The following TRERF1 variants were observed in gnomAD, a reference collection of about 807,000 sequenced individuals.
TRERF1 encodes the protein transcriptional-regulating factor 1.
TRERF1 carries 27 observed loss-of-function variants against 122.9 expected under a neutral mutation model. The observed-to-expected ratio is 0.22, with a 90% CI of 0.16 to 0.30. TRERF1 has a LOEUF of 0.30. Among genes scored for constraint, TRERF1 ranks in the 10% least tolerant of loss-of-function variants. The pLI, the probability that TRERF1 is intolerant of heterozygous loss-of-function variation, is 1.00. For missense variants in TRERF1, 1,248 were observed against 1,560.3 expected (o/e 0.80, Z 3.37); for synonymous variants, 636 against 641.7 (o/e 0.99, Z 0.13).
intron 3 of TRERF1, among the ~76,000 whole-genome samples, chr6:42,356,595 A>G (rs1163329672): frequency 6.6e-6 from 1 of 152,196 alleles, no homozygotes; most frequent in African/African-American, 2.4e-5. Context: ...TATTTTTAAG[A>G]TGGAGTCTTG....
At chr6:42,280,410 C>T (rs899121690) in intron 4 of TRERF1, among the ~76,000 whole-genome samples, 2 of 152,198 alleles carry the variant, frequency 1.3e-5, no homozygotes, top group African/African-American at 2.4e-5. Flanking sequence ...CCAGCAAGTT[C>T]GTGCTCTGAG....
rs555283311 is a variant in TRERF1, at chr6:42,263,803, T to C, written c.1636-235A>G. On this transcript the variant is annotated intron_variant, in intron 7 of 17. Coordinates refer to ENST00000372922, the Ensembl canonical transcript of TRERF1. This position sits in a 1 kb window ranked among gnomAD's most constrained non-coding sequence, Gnocchi z 5.6. ...AATTCTTGACCATGCATTACTTGTGTATTAAACTATTTTAAAAAAATTGTG... is the reference window on the plus strand; with the variant it reads ...AATTCTTGACCATGCATTACTTGTGCATTAAACTATTTTAAAAAAATTGTG... Among the ~76,000 whole-genome samples the C allele has an allele frequency of 2.0e-5, 3 of 152,326 alleles. No homozygotes were observed. The East Asian group carries it at 5.8e-4, about 29-fold the overall frequency.
At chr6:42,385,451 C>T (rs573366718) in intron 2 of TRERF1, among the ~76,000 whole-genome samples, 5 of 152,202 alleles carry the variant, frequency 3.3e-5, no homozygotes, top group Admixed American at 6.5e-5. Context: ...CCTGAAGTTA[C>T]GTGGACAGGC....
At position 42,390,310 on chromosome 6, in the gene TRERF1, AG is replaced by A. The variant is rs200847910; in HGVS notation, c.-453-27232del. Among the ~76,000 whole-genome samples the A allele has an allele frequency of 3.3e-3, 496 of 152,288 alleles. 6 individuals are homozygous for A. The highest frequency in any genetic ancestry group is 9.5e-3 in the African/African-American group (394 of 41,556). ...CTTTTGCCAAGTTCTGTGTGTGTGG[AG>A]GGGGAGTCACATCTTCCCCAAACTT... is the stretch of plus-strand genomic sequence containing the variant. On this transcript the variant is annotated intron_variant, in intron 2 of 17. Coordinates refer to ENST00000372922, the Ensembl canonical transcript of TRERF1.
At chr6:42,398,554 G>A (rs1001042307) in intron 2 of TRERF1, among the ~76,000 whole-genome samples, 7 of 152,042 alleles carry the variant, frequency 4.6e-5, no homozygotes, top group East Asian at 1.9e-4. Context: ...TGTTCTCCTT[G>A]GTATTACAGT....
intron 4 of TRERF1, among the ~76,000 whole-genome samples, chr6:42,270,481 C>T (rs543079140): frequency 6.6e-6 from 1 of 152,194 alleles, no homozygotes; most frequent in African/African-American, 2.4e-5. Flanking sequence ...ATGCATTAAT[C>T]AATTTATCTG....
At chr6:42,429,575 A>G (rs1302313896) in intron 2 of TRERF1, among the ~76,000 whole-genome samples, 1 of 152,198 alleles carries the variant, frequency 6.6e-6, no homozygotes, top group African/African-American at 2.4e-5. Flanking sequence ...AAAAATCTTA[A>G]TTAAAAAAAA....
chr6:42,428,378 G>C (rs978471354), intron 2 of TRERF1, among the ~76,000 whole-genome samples: 11 of 152,184 alleles, frequency 7.2e-5, no homozygotes, highest in African/African-American at 2.7e-4. Flanking sequence ...ATTATGGCCC[G>C]AGTACCCGAA....
chr6:42,322,097 A>T (rs1215299264), intron 3 of TRERF1, among the ~76,000 whole-genome samples: 1 of 152,248 alleles, frequency 6.6e-6, no homozygotes, highest in East Asian at 1.9e-4. Context: ...ATTTTACTGC[A>T]CCGGGACTCA....
At chr6:42,342,343 G>T (rs1192612228) in intron 3 of TRERF1, among the ~76,000 whole-genome samples, 2 of 152,156 alleles carry the variant, frequency 1.3e-5, no homozygotes, top group African/African-American at 4.8e-5. Context: ...GGCTTGACCT[G>T]GGGTCAAAGG....
intron 3 of TRERF1, among the ~76,000 whole-genome samples, chr6:42,334,896 C>A (rs1765878028): frequency 6.6e-6 from 1 of 152,220 alleles, no homozygotes; most frequent in South Asian, 2.1e-4. Context: ...GCCTGATGGT[C>A]CCTCCTGGCT....
Position 42,232,920 on chromosome 6 carries a change from T to A in TRERF1, c.3067-28A>T, listed in dbSNP as rs1457356404. 1.3e-6 allele frequency: 2 copies of A among 1,558,056 alleles called. No individual in the cohort carries two copies. The highest frequency in any genetic ancestry group is 1.7e-6 in the Non-Finnish European group (2 of 1,147,942). On this transcript the variant is annotated intron_variant, in intron 16 of 17. Transcript: ENST00000372922. The surrounding 1 kb of genome is among the most constrained non-coding windows in gnomAD (Gnocchi z 4.5). Reference sequence around the variant, plus strand: ...GGGGAAGAAAGGGAGTGACATGACATCTACAGTCCTGAAAAGGAAATTAGG... The same window carrying A: ...GGGGAAGAAAGGGAGTGACATGACAACTACAGTCCTGAAAAGGAAATTAGG...
chr6:42,392,570 T>A (rs1387797307), intron 2 of TRERF1, among the ~76,000 whole-genome samples: 2 of 152,028 alleles, frequency 1.3e-5, no homozygotes, highest in East Asian at 3.9e-4. Context: ...CCAGAAAGGA[T>A]CATTAAGAGA....
intron 2 of TRERF1, among the ~76,000 whole-genome samples, chr6:42,375,913 G>A (rs1430274117): frequency 6.6e-6 from 1 of 152,128 alleles, no homozygotes; most frequent in East Asian, 1.9e-4. Flanking sequence ...GGGCCCCCTT[G>A]ATTCAAAAAC....
intron 2 of TRERF1, among the ~76,000 whole-genome samples, chr6:42,383,523 C>G (rs143597121): frequency 6.6e-6 from 1 of 152,148 alleles, no homozygotes; most frequent in South Asian, 2.1e-4. Context: ...GGCACTTGCT[C>G]TCCATATGAG....
chr6:42,325,639 T>C (rs184432150), intron 3 of TRERF1, among the ~76,000 whole-genome samples: 1 of 152,310 alleles, frequency 6.6e-6, no homozygotes, highest in Admixed American at 6.5e-5. Context: ...TTTGGGAGGC[T>C]GAGGCAGGAG....
intron 2 of TRERF1, among the ~76,000 whole-genome samples, chr6:42,446,073 C>G (rs1787454864): frequency 6.6e-6 from 1 of 152,232 alleles, no homozygotes; most frequent in South Asian, 2.1e-4. Context: ...CGCCACCACG[C>G]AGCCTAATTT....
intron 3 of TRERF1, among the ~76,000 whole-genome samples, chr6:42,317,714 A>G (rs930992033): frequency 6.6e-6 from 1 of 152,188 alleles, no homozygotes. Flanking sequence ...AAATTTTAGA[A>G]AACAGATACA....
chr6:42,298,141 TTTTTTGTTTTTG>T (rs894267973), intron 4 of TRERF1, among the ~76,000 whole-genome samples: 15 of 151,856 alleles, frequency 9.9e-5, no homozygotes, highest in Admixed American at 6.6e-4. Context: ...GTTGTTGTTT[TTTTTTGTTTTTG>T]TTTTTGTTTT....
Sources: gnomAD v4.1 joint callset for allele counts (sites outside exome capture counted in the v4.1 genomes callset) on GRCh38, gnomAD v4.1.1 for gene constraint, Gnocchi (gnomAD v3.1) non-coding constraint, MANE v1.5 for transcripts, NCBI Gene and HGNC (gene_info 2026-07-23, HGNC 2026-07-21) for gene names.